The following XIST variants were observed in gnomAD, a reference collection of about 807,000 sequenced individuals.
XIST encodes the protein X inactive specific transcript (non-protein coding).
In XIST at chrX:73,843,690, A is replaced by G. The variant is rs749624002; in HGVS notation, n.9034T>C. ...GGTGGTACAGGAACATGCTTAGAGA[A>G]TTGAGTTTGTGCACATGAACATTCC... On this transcript the variant is annotated non_coding_transcript_exon_variant, in exon 1 of 6. Transcript: ENST00000429829. 5 of 558,674 alleles carry G rather than the reference A, an allele frequency of 8.9e-6. No individual in the cohort carries two copies. The South Asian group carries it at 1.1e-4, about 12-fold the overall frequency. 46.0% of individuals were successfully genotyped at this position (558,674 alleles called of 1,213,427 possible).
At chrX:73,822,373 T>C (rs759051943) in exon 6 of XIST, 1 of 533,432 alleles carries the variant, frequency 1.9e-6, no homozygotes, top group East Asian at 3.4e-5. Context: ...GACTAAGCCA[T>C]GCCCCTAACA....
chrX:73,825,266 C>T, exon 6 of XIST: 1 of 559,174 alleles, frequency 1.8e-6, no homozygotes, highest in Non-Finnish European at 3.2e-6. Flanking sequence ...GAGCAGCAAA[C>T]ACAAATTGGC....
intron 4 of XIST, among the ~76,000 whole-genome samples, chrX:73,829,619 C>G (rs775659030): frequency 9.1e-6 from 1 of 109,424 alleles, no homozygotes; most frequent in African/African-American, 3.3e-5. Flanking sequence ...GGAGAAACAC[C>G]GTCTCTATTA....
intron 1 of XIST, among the ~76,000 whole-genome samples, chrX:73,838,470 G>C (rs919394566): frequency 3.6e-5 from 4 of 110,420 alleles, no homozygotes; most frequent in Non-Finnish European, 5.7e-5. Context: ...TTTACATTTT[G>C]TTTCAGTTTC....
chrX:73,824,888 T>C, exon 6 of XIST: 2 of 554,447 alleles, frequency 3.6e-6, no homozygotes, highest in Non-Finnish European at 6.5e-6. Flanking sequence ...GTATAGAGGA[T>C]AAACTTTCCT....
exon 1 of XIST, chrX:73,852,436 G>C (rs1241574043): frequency 3.6e-6 from 2 of 549,237 alleles, no homozygotes; most frequent in South Asian, 4.7e-5. Context: ...AAAAAACAGA[G>C]ATGTCAACCA....
chrX:73,830,161 A>G (rs1922351448), intron 4 of XIST, among the ~76,000 whole-genome samples: 1 of 111,761 alleles, frequency 8.9e-6, no homozygotes, highest in Admixed American at 9.5e-5. Flanking sequence ...AAGAAAAAGA[A>G]AATTCACATA....
exon 1 of XIST, chrX:73,844,142 A>T (rs770966993): frequency 1.8e-6 from 1 of 556,790 alleles, no homozygotes; most frequent in Non-Finnish European, 3.2e-6. Context: ...GAACCAACAT[A>T]AATGCAATTA....
At position 73,850,108 on chromosome X, in the gene XIST, G is replaced by T; in HGVS notation, n.2616C>A. 1 of 558,931 alleles carries T rather than the reference G, an allele frequency of 1.8e-6. No homozygotes were observed. The highest frequency in any genetic ancestry group is 2.2e-5 in the South Asian group (1 of 44,962). The allele number at this position is 558,931 out of a possible 1,213,427, so 46.1% of individuals were successfully genotyped here. ...AAGGATGGGAACAAAGCAAGGCCTG[G>T]ACCTGTGTAAACCTTCAAACACTCT... On this transcript the variant is annotated non_coding_transcript_exon_variant, in exon 1 of 6. Transcript: ENST00000429829.
chrX:73,828,217 A>G (rs1922308466), intron 5 of XIST: 5 of 333,274 alleles, frequency 1.5e-5, no homozygotes, highest in Non-Finnish European at 1.6e-5. Flanking sequence ...ATAAACTTTT[A>G]CCTTAGGGAT....
rs758530636 is a variant in XIST at position 73,851,276 on chromosome X, A to G, written n.1448T>C. 62 of 557,623 alleles carry G rather than the reference A, an allele frequency of 1.1e-4. 1 individual carries two copies. The highest frequency in any genetic ancestry group is 9.1e-4 in the African/African-American group (41 of 44,883). 46.0% of individuals were successfully genotyped at this position (557,623 alleles called of 1,213,427 possible). ...CAAAAGCCATGATATACATATGACA[A>G]CGCCTGCCATATTGTCCCTGCGGCA... On this transcript the variant is annotated non_coding_transcript_exon_variant, in exon 1 of 6. Coordinates refer to ENST00000429829, the Ensembl canonical transcript of XIST.
chrX:73,841,680 T>G, exon 1 of XIST: 1 of 528,967 alleles, frequency 1.9e-6, no homozygotes, highest in Non-Finnish European at 3.4e-6. Context: ...TTGGCTTATT[T>G]TTCTTATAAA....
At chrX:73,827,497 G>A in exon 6 of XIST, 1 of 537,473 alleles carries the variant, frequency 1.9e-6, no homozygotes, top group African/African-American at 2.2e-5. Context: ...GGCACGCAGG[G>A]GAGGAGAGAG....
exon 6 of XIST, chrX:73,823,153 A>G (rs746877903): frequency 1.8e-6 from 1 of 555,034 alleles, no homozygotes; most frequent in Non-Finnish European, 3.2e-6. Flanking sequence ...TAACTGTAAT[A>G]AAAGCAGAAT....
chrX:73,822,074 G>A, exon 6 of XIST: 1 of 558,497 alleles, frequency 1.8e-6, no homozygotes. Flanking sequence ...GACAAACCTT[G>A]TAAATGCACT....
chrX:73,848,044 CT>C lies in XIST; in HGVS notation n.4679del, dbSNP rs1922818880. Reference sequence around the variant, plus strand: ...TGAACACTAGGGAAGTGAGTGGGGTCTTTAGTGCACAGGAAGAGGGACAAAT... The same window carrying C: ...TGAACACTAGGGAAGTGAGTGGGGTCTTAGTGCACAGGAAGAGGGACAAAT... On this transcript the variant is annotated non_coding_transcript_exon_variant, in exon 1 of 6. Coordinates refer to ENST00000429829, the Ensembl canonical transcript of XIST. The C allele has an allele frequency of 7.2e-6, 4 of 559,033 alleles. No individual in the cohort carries two copies. In the East Asian group the frequency reaches 1.3e-4, roughly 18 times the overall value. The allele number at this position is 559,033 out of a possible 1,213,427, so 46.1% of individuals were successfully genotyped here. A position where few individuals can be genotyped will look rare whatever the true frequency, so the allele number is the denominator to read the frequency against.
At chrX:73,843,684 T>C (rs750726651) in exon 1 of XIST, 1 of 558,414 alleles carries the variant, frequency 1.8e-6, no homozygotes, top group Non-Finnish European at 3.2e-6. Flanking sequence ...GGAACATGCT[T>C]AGAGAATTGA....
chrX:73,846,921 A>G (rs759029286), exon 1 of XIST: 3 of 559,480 alleles, frequency 5.4e-6, no homozygotes, highest in Non-Finnish European at 9.7e-6. Context: ...TTGAAGGACC[A>G]TTGACAACTG....
At chrX:73,833,052 T>G (rs1437810029) in intron 3 of XIST, among the ~76,000 whole-genome samples, 1 of 109,757 alleles carries the variant, frequency 9.1e-6, no homozygotes, top group African/African-American at 3.3e-5. Context: ...CAACTAATTT[T>G]ATTTTATTGT....
Sources: gnomAD v4.1 joint callset for allele counts (sites outside exome capture counted in the v4.1 genomes callset) on GRCh38, gnomAD v4.1.1 for gene constraint, MANE v1.5 for transcripts, NCBI Gene and HGNC (gene_info 2026-07-23, HGNC 2026-07-21) for gene names.